The following RGS7 variants were observed in gnomAD, a reference collection of about 807,000 sequenced individuals.
The protein encoded by RGS7 is regulator of G protein signaling 7.
A neutral mutation model predicts 81.1 loss-of-function variants in RGS7; 27 were observed. That is an observed-to-expected ratio of 0.33 (90% CI 0.25 to 0.46). The LOEUF (loss-of-function observed/expected upper bound fraction) is 0.46, where lower values mean the gene tolerates loss of function less well. RGS7 is among the 20% of genes least tolerant of loss of function. RGS7 has a pLI of 1.00. For synonymous variants in RGS7, 208 were observed against 207.7 expected (o/e 1.00, Z -0.01); for missense variants, 396 against 607.4 (o/e 0.65, Z 3.66).
intron 3 of RGS7, among the ~76,000 whole-genome samples, chr1:241,025,744 T>A (rs1447818832): frequency 1.3e-5 from 2 of 151,986 alleles, no homozygotes; most frequent in Non-Finnish European, 2.9e-5. Flanking sequence ...AACAAAGCTA[T>A]CACAGGAATC....
chr1:241,304,199 G>A (rs185589728), intron 2 of RGS7, among the ~76,000 whole-genome samples: 98 of 152,216 alleles, frequency 6.4e-4, no homozygotes, highest in African/African-American at 2.1e-3. Context: ...TCAGACTCCC[G>A]AGTAACTAGG....
At chr1:241,351,105 C>T (rs1352822546) in intron 2 of RGS7, among the ~76,000 whole-genome samples, 1 of 152,122 alleles carries the variant, frequency 6.6e-6, no homozygotes, top group Non-Finnish European at 1.5e-5. Flanking sequence ...AGCCAGTGGT[C>T]TTGTCTTGCT....
At chr1:240,830,208 C>G (rs924939558) in intron 9 of RGS7, among the ~76,000 whole-genome samples, 2 of 152,154 alleles carry the variant, frequency 1.3e-5, no homozygotes, top group Non-Finnish European at 2.9e-5. Context: ...TCAAGCCATC[C>G]GGAGTTTCTT....
intron 4 of RGS7, among the ~76,000 whole-genome samples, chr1:240,952,099 T>C (rs1052377092): frequency 6.6e-6 from 1 of 152,014 alleles, no homozygotes; most frequent in African/African-American, 2.4e-5. Context: ...AAAGAATACA[T>C]TACTAGTGGG....
At chr1:241,028,995 T>G (rs965383679) in intron 3 of RGS7, among the ~76,000 whole-genome samples, 1 of 152,140 alleles carries the variant, frequency 6.6e-6, no homozygotes, top group African/African-American at 2.4e-5. Flanking sequence ...AGAAAGGATG[T>G]TCCAGCCAAG....
intron 2 of RGS7, among the ~76,000 whole-genome samples, chr1:241,162,378 C>A (rs2069793289): frequency 6.6e-6 from 1 of 152,206 alleles, no homozygotes; most frequent in African/African-American, 2.4e-5. Context: ...CTTCAGTAAA[C>A]ACACTGCGCA....
At chr1:240,841,843 A>G (rs768874977) in intron 9 of RGS7, among the ~76,000 whole-genome samples, 1 of 152,242 alleles carries the variant, frequency 6.6e-6, no homozygotes, top group South Asian at 2.1e-4. Context: ...AAATTTTTGA[A>G]TAAGTCATTT....
chr1:240,996,584 G>GA (rs1687322544), intron 3 of RGS7, among the ~76,000 whole-genome samples: 1 of 152,096 alleles, frequency 6.6e-6, no homozygotes, highest in Non-Finnish European at 1.5e-5. Context: ...TCCTTGTGGT[G>GA]ACGTCTGCTT....
chr1:241,184,569 A>G, intron 2 of RGS7, among the ~76,000 whole-genome samples: 1 of 152,240 alleles, frequency 6.6e-6, no homozygotes. Flanking sequence ...TGTTTCACAC[A>G]TAAGTACTTA....
At chr1:241,014,834 A>G (rs1229475574) in intron 3 of RGS7, among the ~76,000 whole-genome samples, 1 of 152,224 alleles carries the variant, frequency 6.6e-6, no homozygotes, top group East Asian at 1.9e-4. Context: ...CGGAAAAGGC[A>G]TTTCAGCTGG....
intron 2 of RGS7, among the ~76,000 whole-genome samples, chr1:241,123,166 C>T (rs1297554407): frequency 6.6e-6 from 1 of 152,140 alleles, no homozygotes; most frequent in Non-Finnish European, 1.5e-5. Context: ...TGCTGCAGAC[C>T]CCAGGTCCTT....
At chr1:241,117,124 T>A (rs1368516514) in intron 2 of RGS7, among the ~76,000 whole-genome samples, 12 of 152,288 alleles carry the variant, frequency 7.9e-5, no homozygotes, top group East Asian at 1.9e-4. Flanking sequence ...AAAATGCATG[T>A]CAGCTTTCTT....
At chr1:240,859,843 A>C (rs1372484847) in intron 9 of RGS7, among the ~76,000 whole-genome samples, 1 of 152,114 alleles carries the variant, frequency 6.6e-6, no homozygotes, top group Admixed American at 6.5e-5. Context: ...CATGTACTCA[A>C]TGCTATAAAT....
intron 18 of RGS7, among the ~76,000 whole-genome samples, chr1:240,791,194 A>C (rs1368084909): frequency 6.6e-6 from 1 of 152,212 alleles, no homozygotes; most frequent in Non-Finnish European, 1.5e-5. Flanking sequence ...TATTTTAGTA[A>C]TGGCTTCTGC....
chr1:240,963,991 TA>T (rs1681888761), intron 4 of RGS7, among the ~76,000 whole-genome samples: 1 of 152,046 alleles, frequency 6.6e-6, no homozygotes, highest in Admixed American at 6.6e-5. Context: ...CAGCCTAGGT[TA>T]TAGAGTGAGA....
At chr1:241,140,693 G>A (rs2067862469) in intron 2 of RGS7, among the ~76,000 whole-genome samples, 1 of 152,178 alleles carries the variant, frequency 6.6e-6, no homozygotes, top group Non-Finnish European at 1.5e-5. Context: ...ATACAGGTAT[G>A]AGCCACTATG....
intron 6 of RGS7, among the ~76,000 whole-genome samples, chr1:240,882,907 A>G (rs1397529181): frequency 6.6e-6 from 1 of 152,112 alleles, no homozygotes; most frequent in Non-Finnish European, 1.5e-5. Context: ...TAAATATAAC[A>G]ATGTCACCGG....
At chr1:240,796,684 T>TCAA (rs1199805402) in intron 18 of RGS7, among the ~76,000 whole-genome samples, 2 of 152,044 alleles carry the variant, frequency 1.3e-5, no homozygotes, top group Admixed American at 6.6e-5. Flanking sequence ...AAATTGTGTC[T>TCAA]CAACAACAAC....
chr1:241,091,240 A>C (rs2063849476), intron 3 of RGS7, among the ~76,000 whole-genome samples: 1 of 152,216 alleles, frequency 6.6e-6, no homozygotes, highest in Non-Finnish European at 1.5e-5. Context: ...AAAGAAAAAA[A>C]ACAGATGTCA....
Sources: gnomAD v4.1 joint callset for allele counts (sites outside exome capture counted in the v4.1 genomes callset) on GRCh38, gnomAD v4.1.1 for gene constraint, MANE v1.5 for transcripts, NCBI Gene and HGNC (gene_info 2026-07-23, HGNC 2026-07-21) for gene names.